CNTNAP2: variants seen among roughly 807,000 people sequenced by gnomAD.
CNTNAP2 encodes the protein contactin-associated protein-like 2.
CNTNAP2 carries 98 observed loss-of-function variants against 155.2 expected under a neutral mutation model. The ratio of observed to expected loss-of-function variants is 0.63; its 90% CI spans 0.54 to 0.75. The LOEUF (loss-of-function observed/expected upper bound fraction) is 0.75, where lower values mean the gene tolerates loss of function less well. CNTNAP2 is among the 30% of genes least tolerant of loss of function. CNTNAP2 has a pLI of 0.00. For missense variants in CNTNAP2, 1,727 were observed against 1,688.1 expected, an observed-to-expected ratio of 1.02 and a Z score of -0.40; for synonymous variants, 651 against 631.2, an observed-to-expected ratio of 1.03 and a Z score of -0.47.
At chr7:148,411,189 ACT>A (rs1358569102) in intron 23 of CNTNAP2, among the ~76,000 whole-genome samples, 1 of 152,040 alleles carries the variant, frequency 6.6e-6, no homozygotes, top group Non-Finnish European at 1.5e-5. Flanking sequence ...CCCAATCCTC[ACT>A]GTCTTTTGCT....
chr7:148,358,440 A>G (rs776019875), intron 21 of CNTNAP2, among the ~76,000 whole-genome samples: 1 of 152,038 alleles, frequency 6.6e-6, no homozygotes, highest in African/African-American at 2.4e-5. Context: ...AGCATTTGAG[A>G]ATGTGGAGAT....
chr7:147,625,484 G>A (rs1364801555), intron 12 of CNTNAP2, among the ~76,000 whole-genome samples: 1 of 152,188 alleles, frequency 6.6e-6, no homozygotes, highest in Non-Finnish European at 1.5e-5. Flanking sequence ...TTTGTAAAAT[G>A]CATCAACAGT....
At position 146,318,212 on chromosome 7, in the gene CNTNAP2, T is replaced by A. The variant is rs1176908139; in HGVS notation, c.97+201239T>A. Among the ~76,000 whole-genome samples the A allele has an allele frequency of 3.9e-5, 6 of 152,144 alleles. 1 individual carries two copies. The highest frequency in any genetic ancestry group is 4.1e-4 in the South Asian group (2 of 4,830). ...GGATGTAAACTAGTGATTATAATGA[T>A]TATGAAATATATAGCAAAATGGATC... On this transcript the variant is annotated intron_variant, in intron 1 of 23. Transcript: ENST00000361727.
At chr7:146,687,062 A>G (rs1800613370) in intron 1 of CNTNAP2, among the ~76,000 whole-genome samples, 1 of 152,156 alleles carries the variant, frequency 6.6e-6, no homozygotes, top group Admixed American at 6.6e-5. Context: ...TACCTGAGAG[A>G]TCACTATTAT....
At chr7:146,846,532 G>T (rs759046285) in intron 3 of CNTNAP2, among the ~76,000 whole-genome samples, 2 of 152,070 alleles carry the variant, frequency 1.3e-5, no homozygotes, top group Non-Finnish European at 1.5e-5. Flanking sequence ...TAAGTTGAGT[G>T]GATATTCCAG....
At chr7:148,080,213 G>T (rs566601730) in intron 15 of CNTNAP2, among the ~76,000 whole-genome samples, 1 of 152,322 alleles carries the variant, frequency 6.6e-6, no homozygotes, top group South Asian at 2.1e-4. Flanking sequence ...AAGCCACTAA[G>T]ATGTCAGGGT....
chr7:147,542,215 A>T (rs1436887288), intron 11 of CNTNAP2, among the ~76,000 whole-genome samples: 1 of 151,856 alleles, frequency 6.6e-6, no homozygotes, highest in Non-Finnish European at 1.5e-5. Flanking sequence ...CCTACCACAC[A>T]CTTCACCATT....
rs1385104754 is a variant in CNTNAP2 at position 147,802,407 on chromosome 7, T to TG, written c.2099-101155dup. ...GGCAGAGGCTGCAATCTCGGCACTTTGGGAGGCCAAGGCAGGCGGCTGGGA... is the reference window on the plus strand; with the variant it reads ...GGCAGAGGCTGCAATCTCGGCACTTTGGGGAGGCCAAGGCAGGCGGCTGGGA... On this transcript the variant is annotated intron_variant, in intron 13 of 23. Coordinates refer to ENST00000361727, the MANE Select transcript of CNTNAP2 (RefSeq NM_014141.6). Among the ~76,000 whole-genome samples the TG allele has an allele frequency of 3.3e-5, 5 of 152,094 alleles. No individual in the cohort carries two copies. In the East Asian group the frequency reaches 9.7e-4, roughly 30 times the overall value.
chr7:147,086,060 C>T (rs988041031), intron 4 of CNTNAP2, among the ~76,000 whole-genome samples: 4 of 152,130 alleles, frequency 2.6e-5, no homozygotes, highest in South Asian at 4.2e-4. Context: ...AGTTTCCTAC[C>T]GCAGCTTCCA....
intron 1 of CNTNAP2, among the ~76,000 whole-genome samples, chr7:146,755,410 T>A (rs1469269236): frequency 2.0e-5 from 3 of 151,988 alleles, no homozygotes; most frequent in African/African-American, 7.2e-5. Context: ...AAATTGTTAT[T>A]GGTATACAGT....
At chr7:147,742,344 A>G (rs1397301099) in intron 13 of CNTNAP2, among the ~76,000 whole-genome samples, 1 of 152,218 alleles carries the variant, frequency 6.6e-6, no homozygotes, top group African/African-American at 2.4e-5. Flanking sequence ...TCTTTGAAAC[A>G]TCTTGTCTTT....
chr7:146,896,788 T>G (rs1795886205), intron 3 of CNTNAP2, among the ~76,000 whole-genome samples: 1 of 152,092 alleles, frequency 6.6e-6, no homozygotes, highest in African/African-American at 2.4e-5. Context: ...AATTTTACTT[T>G]AGTAAGTAAT....
At chr7:147,674,404 A>G (rs17170640) in intron 13 of CNTNAP2, among the ~76,000 whole-genome samples, 7,883 of 152,234 alleles carry the variant, frequency 0.052, 270 homozygotes, top group Middle Eastern at 0.12. Flanking sequence ...GCAAACTGCT[A>G]TTACTATAGT....
rs369389364 is a variant in CNTNAP2, at chr7:148,186,857, T to G, written c.3010+14379T>G. 1.4e-4 allele frequency among the ~76,000 whole-genome samples: 21 copies of G among 152,298 alleles called. No individual in the cohort carries two copies. In the East Asian group the frequency reaches 3.9e-3, roughly 28 times the overall value. The stretch of plus-strand genomic sequence containing the variant: ...TGCTGACACACGGTCAGTGGTCCAA[T>G]TTGCTATGGCTATTCTCCCAATGCC... On this transcript the variant is annotated intron_variant, in intron 18 of 23. Transcript: ENST00000361727.
At chr7:146,947,557 G>GTATATA (rs1325610298) in intron 3 of CNTNAP2, among the ~76,000 whole-genome samples, 55 of 50,712 alleles carry the variant, frequency 1.1e-3, no homozygotes, top group African/African-American at 2.4e-3. Flanking sequence ...GTGTGTGTGT[G>GTATATA]TATATATATA....
intron 1 of CNTNAP2, among the ~76,000 whole-genome samples, chr7:146,665,366 T>G (rs1349431107): frequency 6.6e-6 from 1 of 152,254 alleles, no homozygotes; most frequent in Non-Finnish European, 1.5e-5. Flanking sequence ...ACTTATTTTC[T>G]CTATTATTTT....
intron 10 of CNTNAP2, among the ~76,000 whole-genome samples, chr7:147,483,203 C>T (rs761464204): frequency 1.4e-4 from 21 of 146,314 alleles, no homozygotes; most frequent in Non-Finnish European, 2.5e-4. Flanking sequence ...TGGATCCAAC[C>T]AATGGCAAAT....
chr7:147,692,722 T>C (rs1796105611), intron 13 of CNTNAP2, among the ~76,000 whole-genome samples: 1 of 152,144 alleles, frequency 6.6e-6, no homozygotes, highest in African/African-American at 2.4e-5. Context: ...TTAAGAGGGC[T>C]TTTTTCGGTA....
rs548253424 is a variant in CNTNAP2, at chr7:147,101,994, G to A, written c.551-6153G>A. ...CCGGGGAACCACCCTCTTGTCTCCT[G>A]TTCATATCAGTTGGATTTAAGAGAA... On this transcript the variant is annotated intron_variant, in intron 4 of 23. Transcript: ENST00000361727. Among the ~76,000 whole-genome samples, 138 of 152,194 alleles carry A rather than the reference G, an allele frequency of 9.1e-4. 1 individual carries two copies. The highest frequency in any genetic ancestry group is 2.5e-3 in the African/African-American group (102 of 41,528).
Sources: allele counts gnomAD v4.1 joint callset (sites outside exome capture counted in the v4.1 genomes callset), GRCh38; gene constraint gnomAD v4.1.1; transcripts MANE v1.5; gene names NCBI Gene and HGNC (gene_info 2026-07-23, HGNC 2026-07-21).